Variants in FAM135B observed in about 807,000 individuals in gnomAD.
FAM135B encodes protein FAM135B.
Under a neutral mutation model 127.7 loss-of-function variants are expected in FAM135B, and 43 were observed. That is an observed-to-expected ratio of 0.34 (90% confidence interval 0.26 to 0.43). The LOEUF (loss-of-function observed/expected upper bound fraction) is 0.43, where lower values mean the gene tolerates loss of function less well. Ranked by LOEUF, FAM135B falls within the 20% of genes least tolerant of loss-of-function variation. FAM135B has a pLI of 1.00. For missense variants in FAM135B, 1,558 were observed against 1,725.6 expected (o/e 0.90, Z 1.72); for synonymous variants, 670 against 665.1 (o/e 1.01, Z -0.11).
rs1816287525 is a variant in FAM135B, at chr8:138,132,476, C to T, written c.*117G>A. On this transcript the variant is annotated 3_prime_UTR_variant, in exon 20 of 20. Transcript: ENST00000395297. This position sits in a 1 kb window ranked among gnomAD's most constrained non-coding sequence, Gnocchi z 4.5. Reference sequence around the variant, plus strand: ...CTCATGTCAGGTTCCACCCGAGCCTCCGTCCCCCAATGCTGTTGAAGCTTC... The same window carrying T: ...CTCATGTCAGGTTCCACCCGAGCCTTCGTCCCCCAATGCTGTTGAAGCTTC... The T allele has an allele frequency of 2.4e-6, 2 of 838,640 alleles. No individual in the cohort carries two copies. Among genetic ancestry groups the T allele is most frequent in the East Asian group, 2.4e-5 (1 of 40,960 alleles). 51.9% of individuals were successfully genotyped at this position (838,640 alleles called of 1,614,324 possible).
rs112668299 is a variant in FAM135B at position 138,448,206 on chromosome 8, C to T, written c.-20+48465G>A. Among the ~76,000 whole-genome samples, 155 of 151,952 alleles carry T rather than the reference C, an allele frequency of 1.0e-3. 1 individual carries two copies. The Middle Eastern group carries it at 0.014, about 14-fold the overall frequency. ...TTTCTGGGTCAACATGCCTGGGTTA[C>T]GGGGTGCCCAGATATTTGGTCAAAC... On this transcript the variant is annotated intron_variant, in intron 1 of 19. Coordinates refer to ENST00000395297, the MANE Select transcript of FAM135B (RefSeq NM_015912.4).
chr8:138,403,862 C>A (rs1438637959), intron 1 of FAM135B, among the ~76,000 whole-genome samples: 1 of 152,190 alleles, frequency 6.6e-6, no homozygotes, highest in Non-Finnish European at 1.5e-5. Context: ...ACTTTGCCAG[C>A]AATGTCTGAA....
intron 1 of FAM135B, chr8:138,425,603 T>C (rs1834795701): frequency 6.6e-6 from 1 of 152,066 alleles, no homozygotes; most frequent in African/African-American, 2.4e-5. Context: ...GAACATTCCA[T>C]TTGGAATGAT....
At chr8:138,226,727 A>G (rs1197795656) in intron 7 of FAM135B, among the ~76,000 whole-genome samples, 1 of 152,092 alleles carries the variant, frequency 6.6e-6, no homozygotes, top group Non-Finnish European at 1.5e-5. Context: ...ATGCCCAGCT[A>G]ATTTTTATAT....
intron 13 of FAM135B, among the ~76,000 whole-genome samples, chr8:138,149,212 G>A (rs1403552740): frequency 6.6e-6 from 1 of 151,860 alleles, no homozygotes; most frequent in Non-Finnish European, 1.5e-5. Context: ...AGCTTCTATG[G>A]GTTTTGGTTC....
chr8:138,373,308 C>T (rs1037888395), intron 1 of FAM135B, among the ~76,000 whole-genome samples: 4 of 151,866 alleles, frequency 2.6e-5, no homozygotes, highest in Non-Finnish European at 5.9e-5. Context: ...ATTTCTTATG[C>T]CTGTCTTTAC....
chr8:138,236,399 T>TACACAC (rs35317285), intron 7 of FAM135B, among the ~76,000 whole-genome samples: 2,006 of 144,772 alleles, frequency 0.014, 28 homozygotes, highest in African/African-American at 0.038. Context: ...CACACACACA[T>TACACAC]ACACACACAC....
chr8:138,308,975 C>T, intron 3 of FAM135B: 1 of 454,548 alleles, frequency 2.2e-6, no homozygotes. Flanking sequence ...ACAGGTAGGA[C>T]TAACTGGCTA....
intron 14 of FAM135B, among the ~76,000 whole-genome samples, chr8:138,146,396 G>A (rs1233719231): frequency 2.0e-5 from 3 of 152,038 alleles, no homozygotes; most frequent in Non-Finnish European, 4.4e-5. Context: ...CAGTTCTTTC[G>A]AATGGCTGAT....
chr8:138,241,835 T>A lies in FAM135B; in HGVS notation c.669+1107A>T, dbSNP rs1290337235. The stretch of plus-strand genomic sequence containing the variant: ...GTAAGCCTGTGAGGGTATGTCTGGA[T>A]GAACTGGTCAATTGAATAAAGCAGA... On this transcript the variant is annotated intron_variant, in intron 7 of 19. Coordinates refer to ENST00000395297, the MANE Select transcript of FAM135B (RefSeq NM_015912.4). This position sits in a 1 kb window ranked among gnomAD's most constrained non-coding sequence, Gnocchi z 4.8. Among the ~76,000 whole-genome samples, 1 of 152,192 alleles carries A rather than the reference T, an allele frequency of 6.6e-6. No individual in the cohort carries two copies. Among genetic ancestry groups the A allele is most frequent in the Non-Finnish European group, 1.5e-5 (1 of 68,042 alleles).
chr8:138,487,640 T>TGGG (rs1815032197), intron 1 of FAM135B, among the ~76,000 whole-genome samples: 1 of 128,332 alleles, frequency 7.8e-6, no homozygotes, highest in South Asian at 3.0e-4. Flanking sequence ...TGTGTGGGGG[T>TGGG]GGGGGCGGGG....
chr8:138,331,270 C>T (rs965252227), intron 2 of FAM135B, among the ~76,000 whole-genome samples: 4 of 152,256 alleles, frequency 2.6e-5, no homozygotes, highest in African/African-American at 9.6e-5. Flanking sequence ...GTGTGTATTT[C>T]GTCATCTGAC....
At chr8:138,142,600 G>C (rs1048622257) in intron 16 of FAM135B, among the ~76,000 whole-genome samples, 3 of 151,932 alleles carry the variant, frequency 2.0e-5, no homozygotes, top group Non-Finnish European at 4.4e-5. Context: ...CACCGCGCCC[G>C]GCCTTTTTCA....
At chr8:138,462,754 C>T (rs1481947283) in intron 1 of FAM135B, among the ~76,000 whole-genome samples, 1 of 152,082 alleles carries the variant, frequency 6.6e-6, no homozygotes, top group Non-Finnish European at 1.5e-5. Flanking sequence ...CTGGCAAGCA[C>T]CAGCGTGAGG....
At chr8:138,346,688 G>A (rs974339398) in intron 2 of FAM135B, among the ~76,000 whole-genome samples, 2 of 152,100 alleles carry the variant, frequency 1.3e-5, no homozygotes, top group African/African-American at 2.4e-5. Flanking sequence ...GTGACGGGGA[G>A]AATATCAGGA....
At chr8:138,307,925 T>C (rs1182944629) in intron 3 of FAM135B, among the ~76,000 whole-genome samples, 3 of 152,150 alleles carry the variant, frequency 2.0e-5, no homozygotes, top group Non-Finnish European at 4.4e-5. Context: ...CCGTCAGAAA[T>C]GCATACAGAT....
chr8:138,320,282 A>T (rs1468671469), intron 2 of FAM135B, among the ~76,000 whole-genome samples: 1 of 152,236 alleles, frequency 6.6e-6, no homozygotes, highest in Non-Finnish European at 1.5e-5. Context: ...CCTCACGTTA[A>T]CAACACACAA....
chr8:138,270,928 GT>G (rs1420812846), intron 3 of FAM135B, among the ~76,000 whole-genome samples: 2 of 152,222 alleles, frequency 1.3e-5, no homozygotes, highest in Non-Finnish European at 2.9e-5. Context: ...GCAGCAAAGG[GT>G]TCACTTTTGA....
chr8:138,265,889 T>C (rs571071764), intron 3 of FAM135B, 47 bp from the exon 4 acceptor site: 2 of 1,579,742 alleles, frequency 1.3e-6, no homozygotes, highest in African/African-American at 2.7e-5. Flanking sequence ...AATACTGTCC[T>C]GTACCTGCAG....
Sources: allele counts gnomAD v4.1 joint callset (sites outside exome capture counted in the v4.1 genomes callset), GRCh38; gene constraint gnomAD v4.1.1; non-coding constraint Gnocchi (gnomAD v3.1); transcripts MANE v1.5; gene names NCBI Gene and HGNC (gene_info 2026-07-23, HGNC 2026-07-21).